ICE1: variants seen among roughly 807,000 people sequenced by gnomAD.
ICE1 encodes interactor of little elongation complex ELL subunit 1, also known as little elongation complex subunit 1.
In ICE1, 64 loss-of-function variants were observed where a neutral mutation model predicts 192.7. The observed-to-expected ratio is 0.33, with a 90% confidence interval of 0.27 to 0.41. The LOEUF is 0.41. ICE1 is among the 10% of genes least tolerant of loss of function. The pLI, the probability that ICE1 is intolerant of heterozygous loss-of-function variation, is 1.00. For missense variants in ICE1, 2,708 were observed against 2,696.0 expected (o/e 1.00, Z -0.10); for synonymous variants, 1,010 against 984.5 (o/e 1.03, Z -0.49).
Position 5,461,717 on chromosome 5 carries a change from G to T in ICE1, c.2383G>T (p.Asp795Tyr). The part of the protein sequence containing the change: ...FVKSTSWHHS[D>Y]LLRKGGEESL... ...TAAAAGTACTTCATGGCACCATAGT[G>T]ATTTATTAAGGAAAGGTGGCGAAGA... The change falls in exon 13 of 19, where the codon GAT (aspartate) becomes TAT (tyrosine). Residue 795 changes from aspartate (D) to tyrosine (Y), a missense_variant. This residue lies in a region of ICE1 where 2,366 missense variants were observed against 2,276.6 expected (regional missense o/e 1.04). Transcript: ENST00000296564. 6.2e-7 allele frequency: 1 copy of T among 1,613,796 alleles called. No individual in the cohort carries two copies. The highest frequency in any genetic ancestry group is 8.5e-7 in the Non-Finnish European group (1 of 1,179,808).
intron 17 of ICE1, among the ~76,000 whole-genome samples, chr5:5,486,017 C>T (rs763869687): frequency 2.0e-5 from 3 of 152,200 alleles, no homozygotes; most frequent in African/African-American, 4.8e-5. Flanking sequence ...CCTAATTTCA[C>T]TCACAAGACA....
intron 15 of ICE1, among the ~76,000 whole-genome samples, chr5:5,470,211 CCAGAGGGTTACCTGCCTA>C (rs1739119308): frequency 6.6e-6 from 1 of 152,094 alleles, no homozygotes; most frequent in Non-Finnish European, 1.5e-5. Flanking sequence ...TTACCCGTTC[CCAGAGGGTTACCTGCCTA>C]CAGGGGGTTA....
intron 14 of ICE1, among the ~76,000 whole-genome samples, chr5:5,468,110 G>A (rs550895747): frequency 2.5e-4 from 38 of 152,284 alleles, no homozygotes; most frequent in South Asian, 4.1e-4. Context: ...GCAACAACAC[G>A]GATGAATGTC....
chr5:5,481,410 C>T (rs926234408), intron 17 of ICE1, among the ~76,000 whole-genome samples: 8 of 151,918 alleles, frequency 5.3e-5, no homozygotes, highest in South Asian at 2.1e-4. Context: ...AGCCTCTTTG[C>T]GTTTATAGAG....
At position 5,439,285 on chromosome 5, in the gene ICE1, T is replaced by G. The variant is rs541508117; in HGVS notation, c.179-610T>G. ...CTAATGGAGGATGCACACGTTTTTATGAACGTACATGTCCTATATTGTGAT... is the reference window on the plus strand; with the variant it reads ...CTAATGGAGGATGCACACGTTTTTAGGAACGTACATGTCCTATATTGTGAT... On this transcript the variant is annotated intron_variant, in intron 3 of 18. Coordinates refer to ENST00000296564, the MANE Select transcript of ICE1 (RefSeq NM_015325.3). Among the ~76,000 whole-genome samples the G allele has an allele frequency of 5.3e-5, 8 of 152,316 alleles. No homozygotes were observed. In the East Asian group the frequency reaches 1.5e-3, roughly 29 times the overall value.
In ICE1 at chr5:5,423,013, CG is replaced by C; in HGVS notation, c.84+18del. 2.9e-6 allele frequency: 4 copies of C among 1,369,688 alleles called. No individual in the cohort carries two copies. Among genetic ancestry groups the C allele is most frequent in the Non-Finnish European group, 3.8e-6 (4 of 1,057,696 alleles). The allele number at this position is 1,369,688 out of a possible 1,614,324, so 84.8% of individuals were successfully genotyped here. On this transcript the variant is annotated intron_variant, in intron 1 of 18. Coordinates refer to ENST00000296564, the MANE Select transcript of ICE1 (RefSeq NM_015325.3). ...TCTCTGCAGCAGGTGCAGCACCTCC[CG>C]GGGCCCCGGGCGCGGGGGGGGACTC...
At chr5:5,438,040 G>A (rs1737923730) in intron 3 of ICE1, among the ~76,000 whole-genome samples, 1 of 152,366 alleles carries the variant, frequency 6.6e-6, no homozygotes, top group South Asian at 2.1e-4. Context: ...ACTGGGTAAT[G>A]TATAAAGGAA....
chr5:5,440,738 T>C (rs1318852105), intron 4 of ICE1, among the ~76,000 whole-genome samples: 1 of 152,100 alleles, frequency 6.6e-6, no homozygotes, highest in African/African-American at 2.4e-5. Context: ...TTTTTTTAAA[T>C]TAGCCAGGTG....
chr5:5,467,915 C>T (rs146447203), intron 14 of ICE1, among the ~76,000 whole-genome samples: 2 of 152,278 alleles, frequency 1.3e-5, no homozygotes, highest in African/African-American at 2.4e-5. Flanking sequence ...CAGGCACTTA[C>T]GCAGCAGAAA....
rs1738445624 is a variant in ICE1, at chr5:5,452,280, T to C, written c.605-2272T>C. On this transcript the variant is annotated intron_variant, in intron 10 of 18. Transcript: ENST00000296564. ...AAGTTGAAATTGTCATTATTTCAGA[T>C]GATACTACTAATGTAGAGAATTTAA... 2.6e-5 allele frequency among the ~76,000 whole-genome samples: 4 copies of C among 151,248 alleles called. No homozygotes were observed. In the South Asian group the frequency reaches 6.2e-4, roughly 24 times the overall value.
chr5:5,442,450 A>G (rs1022760526), intron 5 of ICE1, among the ~76,000 whole-genome samples: 5 of 152,228 alleles, frequency 3.3e-5, no homozygotes, highest in Non-Finnish European at 5.9e-5. Flanking sequence ...AAACAATCAC[A>G]GTGTTCAATG....
chr5:5,454,662 C>T (rs201891854), intron 11 of ICE1, 24 bp downstream of exon 11: 484 of 1,575,052 alleles, frequency 3.1e-4, no homozygotes, highest in Non-Finnish European at 3.9e-4. Context: ...TTACAGAAAC[C>T]GATTTCATAT....
chr5:5,460,478 T>G lies in ICE1; in HGVS notation c.1144T>G (p.Ser382Ala). 6.2e-7 allele frequency: 1 copy of G among 1,608,930 alleles called. No individual in the cohort carries two copies. The highest frequency in any genetic ancestry group is 2.2e-5 in the East Asian group (1 of 44,832). ...GEYTDSSDNDSVQLRNSAECV... is the reference protein window; with the variant it reads ...GEYTDSSDNDAVQLRNSAECV... ...ATACACAGATTCCAGCGATAATGACTCAGTCCAGCTTAGAAATTCTGCTGA... is the reference window on the plus strand; with the variant it reads ...ATACACAGATTCCAGCGATAATGACGCAGTCCAGCTTAGAAATTCTGCTGA... Residue 382 changes from serine (S) to alanine (A), a missense_variant, in exon 13 of 19, where the codon TCA becomes GCA. Ser to Ala is a moderately conservative substitution (Grantham distance 99). Transcript: ENST00000296564.
At chr5:5,487,402 G>C (rs532757369) in intron 18 of ICE1, among the ~76,000 whole-genome samples, 2 of 152,218 alleles carry the variant, frequency 1.3e-5, no homozygotes, top group African/African-American at 4.8e-5. Context: ...TTTGAATATT[G>C]TATAATCAAG....
intron 11 of ICE1, among the ~76,000 whole-genome samples, chr5:5,456,411 T>A (rs1738580832): frequency 6.6e-6 from 1 of 152,242 alleles, no homozygotes; most frequent in Non-Finnish European, 1.5e-5. Context: ...CTGCATTCAT[T>A]AATTGGAATT....
rs765596344 is a variant in ICE1, at chr5:5,447,755, A to T, written c.542A>T (p.Glu181Val). The stretch of plus-strand genomic sequence containing the variant: ...GACGAATTTTCTAAACAGAAAAATG[A>T]AAAGGGTGAGTATTCAGTTAATGCT... Reference protein sequence around the residue: ...RLDEFSKQKNEKELRHIGTQI... With the variant: ...RLDEFSKQKNVKELRHIGTQI... Residue 181 changes from glutamate (E) to valine (V), a missense_variant, in exon 9 of 19, where the codon GAA (glutamate) becomes GTA (valine). Physicochemically the swap from Glu to Val is moderately radical, Grantham distance 121 (BLOSUM62 -2). Around this residue, in one of 2 missense-constraint regions of ICE1, gnomAD observed 2,366 missense variants for 2,276.6 expected, o/e 1.04. Transcript: ENST00000296564. 12 of 1,584,944 alleles carry T rather than the reference A, an allele frequency of 7.6e-6. No individual in the cohort carries two copies. The highest frequency in any genetic ancestry group is 1.0e-5 in the Non-Finnish European group (12 of 1,163,404).
In ICE1 at chr5:5,460,911, G is replaced by A. The variant is rs1738752817; in HGVS notation, c.1577G>A (p.Gly526Glu). ...SPAQEKEAAPGKSELCSSPLG... is the reference protein window; with the variant it reads ...SPAQEKEAAPEKSELCSSPLG... ...GCACAAGAGAAGGAAGCTGCCCCTG[G>A]GAAGTCTGAGTTGTGTTCTTCTCCC... Residue 526 changes from glycine to glutamate, a missense_variant, in exon 13 of 19, where the codon GGG (glycine) becomes GAG (glutamate). This residue lies in a region of ICE1 where 2,366 missense variants were observed against 2,276.6 expected (regional missense o/e 1.04). Transcript: ENST00000296564. 1 of 1,613,998 alleles carries A rather than the reference G, an allele frequency of 6.2e-7. No homozygotes were observed. Among genetic ancestry groups the A allele is most frequent in the Non-Finnish European group, 8.5e-7 (1 of 1,179,898 alleles).
chr5:5,475,961 G>A lies in ICE1; in HGVS notation c.6414-12G>A, dbSNP rs1739292902. 1 of 1,534,446 alleles carries A rather than the reference G, an allele frequency of 6.5e-7. No individual in the cohort carries two copies. The highest frequency in any genetic ancestry group is 1.4e-5 in the African/African-American group (1 of 73,064). ...TGATGAGCATACATCTTTTCATGTT[G>A]TTTTTTTATAGTAAGGAGCTGTGGC... On this transcript the variant is annotated splice_polypyrimidine_tract_variant and intron_variant, in intron 16 of 18. Transcript: ENST00000296564.
Position 5,422,995 on chromosome 5 carries a change from A to G in ICE1, c.80A>G (p.Gln27Arg). 1 of 1,436,736 alleles carries G rather than the reference A, an allele frequency of 7.0e-7. No homozygotes were observed. Among genetic ancestry groups the G allele is most frequent in the East Asian group, 3.1e-5 (1 of 32,752 alleles). 89.0% of individuals were successfully genotyped at this position (1,436,736 alleles called of 1,614,324 possible). Reference sequence around the variant, plus strand: ...CGATGTCAGGGCTGCGCCTCTCTGCAGCAGGTGCAGCACCTCCCGGGGCCC... The same window carrying G: ...CGATGTCAGGGCTGCGCCTCTCTGCGGCAGGTGCAGCACCTCCCGGGGCCC... ...LSRCQGCASLQQNLNEYVEAL... is the reference protein window; with the variant it reads ...LSRCQGCASLRQNLNEYVEAL... The change falls in exon 1 of 19, where the codon CAG (glutamine) becomes CGG (arginine). Residue 27 changes from glutamine to arginine, a missense_variant. Transcript: ENST00000296564.
Sources: gnomAD v4.1 joint callset for allele counts (sites outside exome capture counted in the v4.1 genomes callset) on GRCh38, gnomAD v4.1.1 for gene constraint, gnomAD v4.1.1 regional missense constraint, MANE v1.5 for transcripts, NCBI Gene and HGNC (gene_info 2026-07-23, HGNC 2026-07-21) for gene names.